Variants in ART1 observed in about 807,000 individuals in gnomAD.
ART1 encodes ADP-ribosyltransferase 1.
In ART1, 29 loss-of-function variants were observed where a neutral mutation model predicts 27.0. The observed-to-expected ratio is 1.08, with a 90% CI of 0.80 to 1.47. ART1 has a LOEUF of 1.47. ART1 is among the 40% of genes most tolerant of loss of function. ART1 has a pLI of 0.00. For missense variants in ART1, 480 were observed against 423.0 expected (o/e 1.13, Z -1.18); for synonymous variants, 201 against 172.2 (o/e 1.17, Z -1.31).
At chr11:3,659,320 C>A (rs777182583) in intron 2 of ART1, 44 bp downstream of exon 2, 19 of 1,611,534 alleles carry the variant, frequency 1.2e-5, no homozygotes, top group Admixed American at 1.7e-5. Flanking sequence ...GGGAACTGAG[C>A]CATCGGCTTC....
chr11:3,661,357 G>C lies in ART1; in HGVS notation c.845-15G>C. 6.2e-7 allele frequency: 1 copy of C among 1,610,296 alleles called. No individual in the cohort carries two copies. Among genetic ancestry groups the C allele is most frequent in the East Asian group, 2.2e-5 (1 of 44,786 alleles). ...GCTCCTGAGCCTTTCATTCTTTACT[G>C]TTTCTTTTCTATAGACAAGAAGTGC... On this transcript the variant is annotated splice_polypyrimidine_tract_variant and intron_variant, in intron 3 of 4. Transcript: ENST00000250693.
At position 3,660,087 on chromosome 11, in the gene ART1, G is replaced by A. The variant is rs202219245; in HGVS notation, c.568G>A (p.Gly190Arg). 12 of 1,613,602 alleles carry A rather than the reference G, an allele frequency of 7.4e-6. No individual in the cohort carries two copies. In the East Asian group the frequency reaches 2.7e-4, roughly 36 times the overall value. ...GCACGGCCTGCGCTTCCGGCCAGCA[G>A]GGCCCCGGGCCACCGTGAGGCTGGG... is the stretch of plus-strand genomic sequence containing the variant. ...GVHGLRFRPAGPRATVRLGGF... is the reference protein window; with the variant it reads ...GVHGLRFRPARPRATVRLGGF... The change falls in exon 3 of 5, where the codon GGG becomes AGG. Residue 190 changes from glycine to arginine, a missense_variant. Gly to Arg is a moderately radical substitution (Grantham distance 125, BLOSUM62 -2). Transcript: ENST00000250693.
chr11:3,655,923 C>G (rs921052116), intron 1 of ART1, among the ~76,000 whole-genome samples: 5 of 132,022 alleles, frequency 3.8e-5, no homozygotes, highest in Admixed American at 3.7e-4. Flanking sequence ...GACAAGAGCT[C>G]AAGTCTTTTT....
intron 1 of ART1, among the ~76,000 whole-genome samples, chr11:3,649,950 T>A (rs1183435049): frequency 6.6e-6 from 1 of 152,130 alleles, no homozygotes; most frequent in Non-Finnish European, 1.5e-5. Flanking sequence ...TATTACCCAA[T>A]CTGCTCCTGA....
Position 3,664,309 on chromosome 11 carries a change from T to C in ART1, c.*120T>C. ...CCCATCTGCAGGGAACTCTGGGACC[T>C]TCTCTGGTAGCTGCCAGACCGGCTG... On this transcript the variant is annotated 3_prime_UTR_variant, in exon 5 of 5. Coordinates refer to ENST00000250693, the MANE Select transcript of ART1 (RefSeq NM_004314.3). 1.0e-6 allele frequency: 1 copy of C among 958,714 alleles called. No individual in the cohort carries two copies. The highest frequency in any genetic ancestry group is 1.6e-6 in the Non-Finnish European group (1 of 627,150). The allele number at this position is 958,714 out of a possible 1,614,324, so 59.4% of individuals were successfully genotyped here. A position where few individuals can be genotyped will look rare whatever the true frequency, so the allele number is the denominator to read the frequency against.
rs1011434656 is a variant in ART1 at position 3,659,370 on chromosome 11, G to A, written c.63+94G>A. On this transcript the variant is annotated intron_variant, in intron 2 of 4. Coordinates refer to ENST00000250693, the MANE Select transcript of ART1 (RefSeq NM_004314.3). ...GGGAGAAAGAGAGAGAGGAAAGAAT[G>A]CCCGACGCTTCCCCTGGGGATCACT... 1.1e-5 allele frequency: 17 copies of A among 1,553,876 alleles called. No homozygotes were observed. The African/African-American group carries it at 2.2e-4, about 20-fold the overall frequency.
At chr11:3,650,562 T>G (rs11599987) in intron 1 of ART1, among the ~76,000 whole-genome samples, 84,125 of 152,016 alleles carry the variant, frequency 0.55, 25,161 homozygotes, top group Admixed American at 0.75. Context: ...CTTGTTTCCC[T>G]TGCTTCCATA....
At chr11:3,652,057 T>G (rs61878538) in intron 1 of ART1, among the ~76,000 whole-genome samples, 26,556 of 149,444 alleles carry the variant, frequency 0.18, 3,022 homozygotes, top group African/African-American at 0.33. Flanking sequence ...AACTTCTCAG[T>G]GTTCCATCTG....
Position 3,663,063 on chromosome 11 carries a change from C to CTCATCTCA in ART1, c.887-1026_887-1019dup, listed in dbSNP as rs1564786949. Among the ~76,000 whole-genome samples, 217 of 95,466 alleles carry CTCATCTCA rather than the reference C, an allele frequency of 2.3e-3. No individual in the cohort carries two copies. The Middle Eastern group carries it at 0.023, about 10-fold the overall frequency. 62.6% of individuals were successfully genotyped at this position (95,466 alleles called of 152,430 possible). ...CTCATCTCATCTCATCTCATCTCAT[C>CTCATCTCA]TCATCTCATCTCATCATCTCATCTC... On this transcript the variant is annotated intron_variant, in intron 4 of 4. Transcript: ENST00000250693.
rs765793639 is a variant in ART1, at chr11:3,664,123, G to T, written c.918G>T (p.Trp306Cys). 6.2e-7 allele frequency: 1 copy of T among 1,613,942 alleles called. No homozygotes were observed. The highest frequency in any genetic ancestry group is 2.2e-5 in the East Asian group (1 of 44,882). The change falls in exon 5 of 5, where the codon TGG becomes TGT. Residue 306 changes from tryptophan (W) to cysteine (C), a missense_variant. Physicochemically the swap from Trp to Cys is radical, Grantham distance 215 (BLOSUM62 -2). Coordinates refer to ENST00000250693, the MANE Select transcript of ART1 (RefSeq NM_004314.3). ...AMGQSPLSAV[W>C]SLLLLLWFLV... ...GTCAGAGCCCCCTCTCTGCAGTCTG[G>T]TCTTTGCTGCTGCTGCTCTGGTTCC...
In ART1 at chr11:3,659,850, C is replaced by T. The variant is rs779495209; in HGVS notation, c.331C>T (p.Arg111Cys). 3.0e-5 allele frequency: 49 copies of T among 1,612,336 alleles called. No individual in the cohort carries two copies. Among genetic ancestry groups the T allele is most frequent in the Admixed American group, 1.5e-4 (9 of 59,952 alleles). Residue 111 changes from arginine (R) to cysteine (C), a missense_variant, in exon 3 of 5, where the codon CGC becomes TGC. By Grantham distance (180) the Arg-to-Cys change is radical. Coordinates refer to ENST00000250693, the MANE Select transcript of ART1 (RefSeq NM_004314.3). ...TRPSPPPLGF[R>C]DEHGVALLAY... is the part of the protein sequence containing the mutation. ...TCCATCCCCGCCACCCCTGGGCTTC[C>T]GCGATGAGCATGGGGTGGCCCTCCT...
At chr11:3,651,038 G>A (rs1025208708) in intron 1 of ART1, among the ~76,000 whole-genome samples, 10 of 151,984 alleles carry the variant, frequency 6.6e-5, no homozygotes, top group African/African-American at 1.2e-4. Flanking sequence ...CATTTTATCC[G>A]TCCTAAAACC....
intron 4 of ART1, among the ~76,000 whole-genome samples, chr11:3,662,480 A>G (rs966060003): frequency 4.6e-5 from 7 of 152,152 alleles, no homozygotes; most frequent in East Asian, 1.9e-4. Context: ...ACATCATGCC[A>G]TTCATCCTCA....
At chr11:3,650,059 A>C (rs1268739212) in intron 1 of ART1, among the ~76,000 whole-genome samples, 4 of 152,210 alleles carry the variant, frequency 2.6e-5, no homozygotes, top group Non-Finnish European at 4.4e-5. Flanking sequence ...GAATAGAGGC[A>C]GCCAAGTAGC....
chr11:3,645,909 A>C (rs1565036735), intron 1 of ART1, among the ~76,000 whole-genome samples: 1 of 152,026 alleles, frequency 6.6e-6, no homozygotes, highest in Non-Finnish European at 1.5e-5. Context: ...AGCCACAGGG[A>C]GGGTAACCAC....
chr11:3,652,783 G>T (rs1229508492), intron 1 of ART1, among the ~76,000 whole-genome samples: 1 of 151,116 alleles, frequency 6.6e-6, no homozygotes, highest in East Asian at 1.9e-4. Flanking sequence ...CATCACAGCT[G>T]ATATCTCCTG....
chr11:3,656,270 ACCTCCTGGT>A (rs1434256852), intron 1 of ART1, among the ~76,000 whole-genome samples: 2 of 151,712 alleles, frequency 1.3e-5, no homozygotes, highest in African/African-American at 2.4e-5. Flanking sequence ...TGCAGACTCA[ACCTCCTGGT>A]CTCAAGCAAT....
At chr11:3,649,979 A>T (rs2077505996) in intron 1 of ART1, among the ~76,000 whole-genome samples, 1 of 152,156 alleles carries the variant, frequency 6.6e-6, no homozygotes, top group Non-Finnish European at 1.5e-5. Flanking sequence ...AAAACTCCAA[A>T]AATTAAATTC....
intron 4 of ART1, among the ~76,000 whole-genome samples, chr11:3,663,612 C>T (rs369155568): frequency 7.2e-5 from 11 of 152,198 alleles, no homozygotes; most frequent in East Asian, 5.8e-4. Flanking sequence ...TTTTTTGAGA[C>T]GTGGTCTCAG....
Sources: allele counts gnomAD v4.1 joint callset (sites outside exome capture counted in the v4.1 genomes callset), GRCh38; gene constraint gnomAD v4.1.1; transcripts MANE v1.5; gene names NCBI Gene and HGNC (gene_info 2026-07-23, HGNC 2026-07-21).